The following PIK3R3 variants were observed in gnomAD, a reference collection of about 807,000 sequenced individuals.
PIK3R3 encodes phosphatidylinositol 3-kinase regulatory subunit gamma.
PIK3R3 carries 64 observed loss-of-function variants against 62.9 expected under a neutral mutation model. The ratio of observed to expected loss-of-function variants is 1.02; its 90% confidence interval spans 0.83 to 1.25. The LOEUF is 1.25. PIK3R3 is among the 50% of genes most tolerant of loss of function. The probability of loss-of-function intolerance (pLI) is 0.00; values close to 1 mark genes in which losing one functional copy is unlikely to be tolerated. For missense variants in PIK3R3, 614 were observed against 561.6 expected (o/e 1.09, Z -0.94); for synonymous variants, 165 against 189.0 (o/e 0.87, Z 1.04).
intron 1 of PIK3R3, among the ~76,000 whole-genome samples, chr1:46,101,957 G>A (rs1283245301): frequency 7.4e-6 from 1 of 134,520 alleles, no homozygotes; most frequent in African/African-American, 2.7e-5. Context: ...ACAATGTAAT[G>A]TATCAAAACA....
intron 1 of PIK3R3, among the ~76,000 whole-genome samples, chr1:46,102,400 T>C (rs2149443627): frequency 6.6e-6 from 1 of 152,206 alleles, no homozygotes; most frequent in East Asian, 1.9e-4. Flanking sequence ...AACTGTATAG[T>C]GGTCTTGGAT....
intron 1 of PIK3R3, among the ~76,000 whole-genome samples, chr1:46,096,104 CT>C (rs1210481377): frequency 6.6e-6 from 1 of 152,168 alleles, no homozygotes; most frequent in African/African-American, 2.4e-5. Context: ...ATTATATGTT[CT>C]AGGGCTTCTC....
At chr1:46,125,519 T>C (rs1571567167) in intron 1 of PIK3R3, among the ~76,000 whole-genome samples, 1 of 152,326 alleles carries the variant, frequency 6.6e-6, no homozygotes, top group African/African-American at 2.4e-5. Flanking sequence ...ATTTATTCTA[T>C]GTAGCTCTCA....
Position 46,066,924 on chromosome 1 carries a change from G to T in PIK3R3, c.482C>A (p.Ser161Tyr). 12 of 1,613,082 alleles carry T rather than the reference G, an allele frequency of 7.4e-6. No homozygotes were observed. Among genetic ancestry groups the T allele is most frequent in the Non-Finnish European group, 1.0e-5 (12 of 1,179,272 alleles). Residue 161 changes from serine (S) to tyrosine (Y), a missense_variant, in exon 4 of 10, where the codon TCC (serine) becomes TAC (tyrosine). By Grantham distance (144) the Ser-to-Tyr change is moderately radical. Transcript: ENST00000262741. ...KLDVKLMYPV[S>Y]RYQQDQLVKE... ...CCATAATCATACCTGTTGGTATCTGGACACTGGGTACATCAGCTTCACATC... is the reference window on the plus strand; with the variant it reads ...CCATAATCATACCTGTTGGTATCTGTACACTGGGTACATCAGCTTCACATC...
chr1:46,133,030 G>A, upstream of PIK3R3: 2 of 1,026,936 alleles, frequency 1.9e-6, no homozygotes, highest in Non-Finnish European at 2.3e-6. Context: ...ATTGGCTGAG[G>A]CCGGTTGCCG....
chr1:46,123,077 AG>A (rs1557633638), intron 1 of PIK3R3, among the ~76,000 whole-genome samples: 1 of 152,164 alleles, frequency 6.6e-6, no homozygotes, highest in Non-Finnish European at 1.5e-5. Context: ...TCTCAAAAAA[AG>A]AAAAAAGAAA....
chr1:46,155,285 T>C, the PIK3R3 span, among the ~76,000 whole-genome samples: 1 of 150,788 alleles, frequency 6.6e-6, no homozygotes, highest in African/African-American at 2.4e-5. Context: ...CATCATACTA[T>C]GCACTCCAGC....
chr1:46,054,583 G>C (rs976440639), intron 7 of PIK3R3, among the ~76,000 whole-genome samples: 1 of 152,036 alleles, frequency 6.6e-6, no homozygotes, highest in African/African-American at 2.4e-5. Context: ...AGTTTGAATT[G>C]AGTGGTGTTA....
Position 46,131,941 on chromosome 1 carries a change from C to T in PIK3R3, c.12G>A (p.Thr4=), listed in dbSNP as rs764288804. 38 of 1,613,814 alleles carry T rather than the reference C, an allele frequency of 2.4e-5. No homozygotes were observed. Among genetic ancestry groups the T allele is most frequent in the Non-Finnish European group, 3.4e-6 (4 of 1,179,922 alleles). The change falls in exon 1 of 10, where the codon ACG becomes ACA. Residue 4 remains threonine (T), a synonymous_variant. Coordinates refer to ENST00000262741, the MANE Select transcript of PIK3R3 (RefSeq NM_003629.4). The part of the protein sequence containing the change: MYN[T]VWSMDRDDAD... ...CGTCATCGCGGTCCATACTCCACAC[C>T]GTATTGTACATCGCGCTGTCAGGGG...
chr1:46,163,504 C>CA, the PIK3R3 span, among the ~76,000 whole-genome samples: 2 of 152,128 alleles, frequency 1.3e-5, no homozygotes, highest in Admixed American at 6.5e-5. Flanking sequence ...GTCCTTCAGA[C>CA]AAAAAGGTCT....
chr1:46,053,525 G>T (rs1571361354), intron 7 of PIK3R3, among the ~76,000 whole-genome samples: 2 of 152,062 alleles, frequency 1.3e-5, no homozygotes, highest in East Asian at 3.9e-4. Context: ...CTCATGAATG[G>T]AATTAGTGCC....
intron 3 of PIK3R3, among the ~76,000 whole-genome samples, chr1:46,068,680 G>A (rs1368976173): frequency 1.3e-5 from 2 of 152,174 alleles, no homozygotes; most frequent in South Asian, 2.1e-4. Context: ...CTAGAGAGAG[G>A]TGCGGTAAGG....
At chr1:46,092,606 G>T (rs1053399472) in intron 1 of PIK3R3, among the ~76,000 whole-genome samples, 1 of 152,034 alleles carries the variant, frequency 6.6e-6, no homozygotes, top group African/African-American at 2.4e-5. Context: ...CTCGTGATCC[G>T]CCTGCCTCGG....
At chr1:46,052,033 G>A (rs1647401378) in intron 7 of PIK3R3, among the ~76,000 whole-genome samples, 1 of 152,110 alleles carries the variant, frequency 6.6e-6, no homozygotes, top group Non-Finnish European at 1.5e-5. Flanking sequence ...AGCTACTCGG[G>A]AGGCTGAGGC....
At chr1:46,144,340 C>G in the PIK3R3 span, among the ~76,000 whole-genome samples, 1 of 152,134 alleles carries the variant, frequency 6.6e-6, no homozygotes, top group Non-Finnish European at 1.5e-5. Flanking sequence ...TCTTAAGGCC[C>G]AGCTTGGTTC....
At chr1:46,127,708 C>T (rs1359891090) in intron 1 of PIK3R3, among the ~76,000 whole-genome samples, 1 of 152,132 alleles carries the variant, frequency 6.6e-6, no homozygotes, top group Admixed American at 6.6e-5. Flanking sequence ...ACAATCTTAA[C>T]ATTTCTACAA....
upstream of PIK3R3, chr1:46,132,812 G>A (rs1159587722): frequency 1.3e-5 from 16 of 1,231,614 alleles, no homozygotes; most frequent in Non-Finnish European, 1.4e-5. Context: ...CTGAGAACAT[G>A]TTCAAAAAGC....
At position 46,132,335 on chromosome 1, in the gene PIK3R3, G is replaced by A. The variant is rs917374281; in HGVS notation, c.-383C>T. 1.8e-6 allele frequency: 2 copies of A among 1,109,714 alleles called. No individual in the cohort carries two copies. The highest frequency in any genetic ancestry group is 2.2e-6 in the Non-Finnish European group (2 of 902,414). 68.7% of individuals were successfully genotyped at this position (1,109,714 alleles called of 1,614,324 possible). A position where few individuals can be genotyped will look rare whatever the true frequency, so the allele number is the denominator to read the frequency against. On this transcript the variant is annotated 5_prime_UTR_variant, in exon 1 of 10. Transcript: ENST00000262741. ...GCCACTTTTGTGTCCTTCGAAGGAG[G>A]GAGAATGAAGAGGAAAAAAAAGAAC...
At chr1:46,056,022 A>T in intron 6 of PIK3R3, 51 bp from the exon 7 acceptor site, 1 of 1,262,424 alleles carries the variant, frequency 7.9e-7, no homozygotes, top group Non-Finnish European at 1.1e-6. Flanking sequence ...AAGCAGACAG[A>T]TCCTACTGGG....
Sources: allele counts gnomAD v4.1 joint callset (sites outside exome capture counted in the v4.1 genomes callset), GRCh38; gene constraint gnomAD v4.1.1; transcripts MANE v1.5; gene names NCBI Gene and HGNC (gene_info 2026-07-23, HGNC 2026-07-21).